Variants in AP1AR observed in about 807,000 individuals in gnomAD.
AP1AR encodes adaptor related protein complex 1 associated regulatory protein, also known as AP-1 complex-associated regulatory protein.
AP1AR carries 29 observed loss-of-function variants against 46.3 expected under a neutral mutation model. The observed-to-expected ratio is 0.63, with a 90% CI of 0.47 to 0.85. The LOEUF (loss-of-function observed/expected upper bound fraction) is 0.85. AP1AR is among the 40% of genes least tolerant of loss of function. The pLI is 0.00. For synonymous variants in AP1AR, 122 were observed against 122.9 expected, an observed-to-expected ratio of 0.99 and a Z score of 0.05; for missense variants, 357 against 356.3, an observed-to-expected ratio of 1.00 and a Z score of -0.02.
At position 112,232,068 on chromosome 4, in the gene AP1AR, G is replaced by T; in HGVS notation, c.-24G>T. 7.4e-7 allele frequency: 1 copy of T among 1,353,016 alleles called. No individual in the cohort carries two copies. The highest frequency in any genetic ancestry group is 9.6e-7 in the Non-Finnish European group (1 of 1,044,244). 83.8% of individuals were successfully genotyped at this position (1,353,016 alleles called of 1,614,324 possible). On this transcript the variant is annotated 5_prime_UTR_variant, in exon 1 of 10. Transcript: ENST00000274000. ...GCATTGAGCGGGAGGAGGAGGAGGA[G>T]CGGCGGCGCCTGGGCGGCATGCGAT... is the stretch of plus-strand genomic sequence containing the variant.
intron 1 of AP1AR, among the ~76,000 whole-genome samples, chr4:112,237,047 A>G (rs1012925014): frequency 6.6e-6 from 1 of 152,110 alleles, no homozygotes; most frequent in African/African-American, 2.4e-5. Context: ...CTCTCTTACC[A>G]CTTTTAATAT....
At chr4:112,255,206 G>A (rs1726134356) in intron 3 of AP1AR, among the ~76,000 whole-genome samples, 1 of 152,116 alleles carries the variant, frequency 6.6e-6, no homozygotes. Flanking sequence ...TGATCCGCCA[G>A]CCTCGGCCTC....
At position 112,254,765 on chromosome 4, in the gene AP1AR, A is replaced by C; in HGVS notation, c.151A>C (p.Ser51Arg). The stretch of plus-strand genomic sequence containing the variant: ...CTTTCAGTTTGAGAATCTAGTAGAA[A>C]GTGATGAAGTAAGTATTTCCATAAT... ...LTIEFENLVE[S>R]DEGESPGSSH... Residue 51 changes from serine (S) to arginine (R), a missense_variant, in exon 3 of 10, where the codon AGT becomes CGT. Physicochemically the swap from Ser to Arg is moderately radical, Grantham distance 110. Transcript: ENST00000274000. 1 of 1,501,290 alleles carries C rather than the reference A, an allele frequency of 6.7e-7. No homozygotes were observed. The highest frequency in any genetic ancestry group is 9.0e-7 in the Non-Finnish European group (1 of 1,113,718). The allele number at this position is 1,501,290 out of a possible 1,614,324, so 93.0% of individuals were successfully genotyped here.
chr4:112,262,893 T>C (rs1482125849), intron 5 of AP1AR, 95 bp from the exon 6 acceptor site: 5 of 769,106 alleles, frequency 6.5e-6, no homozygotes, highest in East Asian at 5.4e-5. Context: ...TTTTTAATAA[T>C]TTATTTTTTG....
chr4:112,262,116 C>A (rs1726474414), intron 5 of AP1AR, among the ~76,000 whole-genome samples: 1 of 152,122 alleles, frequency 6.6e-6, no homozygotes, highest in Non-Finnish European at 1.5e-5. Flanking sequence ...GAGTTAAGAA[C>A]CAGCCTGGGC....
chr4:112,259,616 G>A (rs1043107372), intron 4 of AP1AR, among the ~76,000 whole-genome samples: 2 of 152,134 alleles, frequency 1.3e-5, no homozygotes, highest in African/African-American at 4.8e-5. Context: ...TCAAATGGAG[G>A]TTTTTTCCTT....
chr4:112,257,744 T>G, intron 3 of AP1AR, 28 bp from the exon 4 acceptor site: 1 of 1,402,562 alleles, frequency 7.1e-7, no homozygotes, highest in South Asian at 1.3e-5. Context: ...ATGAATTTGT[T>G]TTAATTGTTT....
rs1201157587 is a variant in AP1AR at position 112,244,612 on chromosome 4, A to AT, written c.84-8588dup. 5.9e-5 allele frequency among the ~76,000 whole-genome samples: 9 copies of AT among 151,752 alleles called. No individual in the cohort carries two copies. In the East Asian group the frequency reaches 1.4e-3, roughly 23 times the overall value. On this transcript the variant is annotated intron_variant, in intron 1 of 9. Transcript: ENST00000274000. ...ATGCCTAGTTCAGGGGCTCATAACC[A>AT]TTTTTTTTCTTTTGTACATCAACTC...
In AP1AR at chr4:112,271,767, T is replaced by C. The variant is rs1481232003; in HGVS notation, c.*3358T>C. 1.3e-5 allele frequency among the ~76,000 whole-genome samples: 2 copies of C among 152,144 alleles called. No homozygotes were observed. The highest frequency in any genetic ancestry group is 2.9e-5 in the Non-Finnish European group (2 of 68,036). The stretch of plus-strand genomic sequence containing the variant: ...TTGGATGAAGATGTCAAGTAGGTGA[T>C]GGGATATATGTCTGCAGCCCAAGAA... On this transcript the variant is annotated 3_prime_UTR_variant, in exon 10 of 10. Transcript: ENST00000274000.
chr4:112,264,380 C>T (rs888897045), intron 6 of AP1AR, among the ~76,000 whole-genome samples: 2 of 152,062 alleles, frequency 1.3e-5, no homozygotes, highest in African/African-American at 4.8e-5. Flanking sequence ...CATACTGACA[C>T]ACAGACATAC....
chr4:112,232,478 T>G (rs1434904426), intron 1 of AP1AR, among the ~76,000 whole-genome samples: 1 of 152,170 alleles, frequency 6.6e-6, no homozygotes, highest in Non-Finnish European at 1.5e-5. Flanking sequence ...TTCGCGCTAA[T>G]GGGCTGTAGG....
At chr4:112,257,544 A>G (rs1389721513) in intron 3 of AP1AR, among the ~76,000 whole-genome samples, 1 of 152,234 alleles carries the variant, frequency 6.6e-6, no homozygotes, top group African/African-American at 2.4e-5. Context: ...GTTTTATGTA[A>G]TTAAGCTAGA....
intron 4 of AP1AR, among the ~76,000 whole-genome samples, chr4:112,259,835 T>C (rs1248702906): frequency 6.6e-6 from 1 of 152,140 alleles, no homozygotes; most frequent in Non-Finnish European, 1.5e-5. Context: ...AACATTCCTC[T>C]TTAGAGGATG....
chr4:112,266,967 G>A (rs575301546), intron 9 of AP1AR: 1 of 317,768 alleles, frequency 3.1e-6, no homozygotes, highest in East Asian at 7.7e-5. Flanking sequence ...TGTAATCCAA[G>A]CCCATGACAT....
Position 112,260,824 on chromosome 4 carries a change from G to A in AP1AR, c.244G>A (p.Glu82Lys), listed in dbSNP as rs201026911. 2.1e-4 allele frequency: 340 copies of A among 1,605,018 alleles called. No individual in the cohort carries two copies. The highest frequency in any genetic ancestry group is 2.8e-4 in the Non-Finnish European group (325 of 1,175,694). The change falls in exon 5 of 10, where the codon GAA becomes AAA. Residue 82 changes from glutamate (E) to lysine (K), a missense_variant. Transcript: ENST00000274000. ...LRERHYDSIA[E>K]KQKDLDKKIQ... Reference sequence around the variant, plus strand: ...AGAAAGGCATTATGATTCCATTGCCGAAAAACAAAAAGATCTTGATAAGAA... The same window carrying A: ...AGAAAGGCATTATGATTCCATTGCCAAAAAACAAAAAGATCTTGATAAGAA...
At position 112,272,329 on chromosome 4, in the gene AP1AR, C is replaced by T. The variant is rs1336123012; in HGVS notation, c.*3920C>T. The stretch of plus-strand genomic sequence containing the variant: ...GGAGACATCTTGAGCTCATGGGCAA[C>T]AACTTCCCAATAAGAATTTAAGATG... On this transcript the variant is annotated 3_prime_UTR_variant, in exon 10 of 10. Transcript: ENST00000274000. Among the ~76,000 whole-genome samples the T allele has an allele frequency of 6.6e-6, 1 of 152,110 alleles. No homozygotes were observed. The highest frequency in any genetic ancestry group is 2.4e-5 in the African/African-American group (1 of 41,418).
chr4:112,242,436 T>G (rs1402686716), intron 1 of AP1AR, among the ~76,000 whole-genome samples: 1 of 126,762 alleles, frequency 7.9e-6, no homozygotes, highest in African/African-American at 3.5e-5. Context: ...TATCTGAGAC[T>G]GGGTAATTTA....
In AP1AR at chr4:112,232,119, T is replaced by C. The variant is rs543058773; in HGVS notation, c.28T>C (p.Phe10Leu). 115 of 1,300,366 alleles carry C rather than the reference T, an allele frequency of 8.8e-5. No homozygotes were observed. Among genetic ancestry groups the C allele is most frequent in the East Asian group, 7.1e-4 (23 of 32,266 alleles). 80.6% of individuals were successfully genotyped at this position (1,300,366 alleles called of 1,614,324 possible). Reference sequence around the variant, plus strand: ...GGGGAACTGCTGCTGGACGCAGTGCTTCGGACTGCTTCGCAAGGAAGCGGG... The same window carrying C: ...GGGGAACTGCTGCTGGACGCAGTGCCTCGGACTGCTTCGCAAGGAAGCGGG... MGNCCWTQC[F>L]GLLRKEAGRL... Residue 10 changes from phenylalanine to leucine, a missense_variant, in exon 1 of 10, where the codon TTC becomes CTC. Transcript: ENST00000274000.
At position 112,268,622 on chromosome 4, in the gene AP1AR, C is replaced by T. The variant is rs1356232889; in HGVS notation, c.*213C>T. 1 of 407,256 alleles carries T rather than the reference C, an allele frequency of 2.5e-6. No homozygotes were observed. The highest frequency in any genetic ancestry group is 4.3e-6 in the Non-Finnish European group (1 of 233,584). The allele number at this position is 407,256 out of a possible 1,614,324, so 25.2% of individuals were successfully genotyped here. ...TCATCTGCCTTCTGCTTTTCAAGAC[C>T]AATTTAATGGTCCTGTCATGTTACT... On this transcript the variant is annotated 3_prime_UTR_variant, in exon 10 of 10. Transcript: ENST00000274000.
Sources: gnomAD v4.1 joint callset for allele counts (sites outside exome capture counted in the v4.1 genomes callset) on GRCh38, gnomAD v4.1.1 for gene constraint, MANE v1.5 for transcripts, NCBI Gene and HGNC (gene_info 2026-07-23, HGNC 2026-07-21) for gene names.